GLP1R: variants seen among roughly 807,000 people sequenced by gnomAD.
GLP1R encodes glucagon-like peptide 1 receptor.
Under a neutral mutation model 68.4 loss-of-function variants are expected in GLP1R, and 32 were observed. That is an observed-to-expected ratio of 0.47 (90% CI 0.35 to 0.63). The LOEUF (loss-of-function observed/expected upper bound fraction) is 0.63. GLP1R is among the 20% of genes least tolerant of loss of function. The pLI, the probability that GLP1R is intolerant of heterozygous loss-of-function variation, is 0.00. For missense variants in GLP1R, 502 were observed against 594.9 expected (o/e 0.84, Z 1.62); for synonymous variants, 263 against 244.4 (o/e 1.08, Z -0.71).
chr6:39,062,203 G>A, intron 3 of GLP1R, among the ~76,000 whole-genome samples: 1 of 152,198 alleles, frequency 6.6e-6, no homozygotes, highest in East Asian at 1.9e-4. Context: ...GCAGGGTCTG[G>A]CTTAATGAAA....
chr6:39,086,007 C>T lies in GLP1R; in HGVS notation c.1326C>T (p.Ser442=). The change falls in exon 13 of 13, where the codon AGC becomes AGT. Residue 442 remains serine (S), a synonymous_variant. Coordinates refer to ENST00000373256, the MANE Select transcript of GLP1R (RefSeq NM_002062.5). The surrounding 1 kb of genome is among the most constrained non-coding windows in gnomAD (Gnocchi z 4.5). ...AGCCCCTCAAGTGTCCCACCAGCAG[C>T]CTGAGCAGTGGAGCCACGGCGGGCA... ...SMKPLKCPTS[S]LSSGATAGSS... is the part of the protein sequence containing the mutation. 1 of 1,614,068 alleles carries T rather than the reference C, an allele frequency of 6.2e-7. No homozygotes were observed. The highest frequency in any genetic ancestry group is 8.5e-7 in the Non-Finnish European group (1 of 1,179,974).
chr6:39,079,697 T>C lies in GLP1R; in HGVS notation c.1177T>C (p.Phe393Leu). 1.2e-6 allele frequency: 2 copies of C among 1,612,294 alleles called. No homozygotes were observed. Among genetic ancestry groups the C allele is most frequent in the East Asian group, 2.2e-5 (1 of 44,788 alleles). The stretch of plus-strand genomic sequence containing the variant: ...GTTTACAGAGCTCTCCTTCACCTCC[T>C]TCCAGGTGACTTCATGCTTGGGGAC... ...KLFTELSFTS[F>L]QGLMVAILYC... Residue 393 changes from phenylalanine to leucine, a missense_variant, in exon 11 of 13, where the codon TTC becomes CTC. By Grantham distance (22) the Phe-to-Leu change is conservative. Coordinates refer to ENST00000373256, the MANE Select transcript of GLP1R (RefSeq NM_002062.5). The surrounding 1 kb of genome is among the most constrained non-coding windows in gnomAD (Gnocchi z 4.5).
intron 5 of GLP1R, among the ~76,000 whole-genome samples, chr6:39,066,510 A>G (rs1330645624): frequency 6.6e-6 from 1 of 152,230 alleles, no homozygotes; most frequent in Non-Finnish European, 1.5e-5. Context: ...ACGGTGTAAA[A>G]GTGTGCGTAT....
At chr6:39,074,634 C>T (rs1185353445) in intron 7 of GLP1R, among the ~76,000 whole-genome samples, 2 of 152,094 alleles carry the variant, frequency 1.3e-5, no homozygotes, top group South Asian at 2.1e-4. Context: ...CATGCGCCCA[C>T]CTCACGCTGC....
chr6:39,054,688 G>A (rs1768169615), intron 1 of GLP1R, among the ~76,000 whole-genome samples: 1 of 152,158 alleles, frequency 6.6e-6, no homozygotes, highest in African/African-American at 2.4e-5. Context: ...TTCTGCCCCA[G>A]TTCCCAGCAG....
At chr6:39,072,381 A>G (rs533330133) in intron 5 of GLP1R, among the ~76,000 whole-genome samples, 43 of 152,356 alleles carry the variant, frequency 2.8e-4, no homozygotes, top group African/African-American at 1.0e-3. Flanking sequence ...CATTAGGTTA[A>G]GAAATGCCCC....
intron 1 of GLP1R, among the ~76,000 whole-genome samples, chr6:39,051,676 C>G (rs1463068095): frequency 6.6e-6 from 1 of 152,006 alleles, no homozygotes; most frequent in South Asian, 2.1e-4. Context: ...GACAGAGATA[C>G]AGACAGGTAG....
chr6:39,057,451 G>C (rs1232532311), intron 2 of GLP1R, 21 bp from the exon 3 acceptor site: 1 of 1,516,744 alleles, frequency 6.6e-7, no homozygotes, highest in East Asian at 2.3e-5. Context: ...GGGACTCAGA[G>C]ACTGTTCTTT....
In GLP1R at chr6:39,078,310, C is replaced by T; in HGVS notation, c.824-12C>T. The T allele has an allele frequency of 6.2e-7, 1 of 1,606,064 alleles. No homozygotes were observed. Among genetic ancestry groups the T allele is most frequent in the East Asian group, 2.2e-5 (1 of 44,842 alleles). ...CAGCCCCTCTCCCCTTCTGTCTTTCCCTCTCTCTTAGGTGTTCCCCTGCTG... is the reference window on the plus strand; with the variant it reads ...CAGCCCCTCTCCCCTTCTGTCTTTCTCTCTCTCTTAGGTGTTCCCCTGCTG... On this transcript the variant is annotated splice_polypyrimidine_tract_variant and intron_variant, in intron 7 of 12. Coordinates refer to ENST00000373256, the MANE Select transcript of GLP1R (RefSeq NM_002062.5).
At chr6:39,069,515 C>A (rs913619048) in intron 5 of GLP1R, among the ~76,000 whole-genome samples, 3 of 151,942 alleles carry the variant, frequency 2.0e-5, no homozygotes, top group Admixed American at 1.3e-4. Context: ...CGCCTGTAGT[C>A]CCAGCTACTC....
At chr6:39,050,470 AC>A (rs1187649982) in intron 1 of GLP1R, among the ~76,000 whole-genome samples, 1 of 152,094 alleles carries the variant, frequency 6.6e-6, no homozygotes, top group African/African-American at 2.4e-5. Flanking sequence ...TCCTGAACCC[AC>A]ACTTTCCTCT....
chr6:39,077,909 G>C (rs931582605), intron 7 of GLP1R, among the ~76,000 whole-genome samples: 1 of 152,218 alleles, frequency 6.6e-6, no homozygotes, highest in African/African-American at 2.4e-5. Context: ...GACTGGCAAC[G>C]TGGGCTGAAG....
chr6:39,051,081 C>T (rs1768076038), intron 1 of GLP1R, among the ~76,000 whole-genome samples: 1 of 152,160 alleles, frequency 6.6e-6, no homozygotes, highest in Admixed American at 6.5e-5. Context: ...TGGTCCTTAC[C>T]TCTCCAATAC....
rs867126777 is a variant in GLP1R, at chr6:39,062,287, C to T, written c.284-3424C>T. ...GACAAGCCTTGAGCCAAATCCCTGG[C>T]TGTGATTTACCAGCTCCTCCCAAGT... On this transcript the variant is annotated intron_variant, in intron 3 of 12. Transcript: ENST00000373256. Among the ~76,000 whole-genome samples, 9 of 152,326 alleles carry T rather than the reference C, an allele frequency of 5.9e-5. No individual in the cohort carries two copies. The South Asian group carries it at 1.5e-3, about 25-fold the overall frequency.
At chr6:39,063,638 G>T (rs79483612) in intron 3 of GLP1R, among the ~76,000 whole-genome samples, 7,217 of 152,166 alleles carry the variant, frequency 0.047, 241 homozygotes, top group East Asian at 0.11. Context: ...TTCAGGGTTT[G>T]TTTGGGAAAG....
At position 39,056,441 on chromosome 6, in the gene GLP1R, A is replaced by G; in HGVS notation, c.123A>G (p.Glu41=). The G allele has an allele frequency of 6.2e-7, 1 of 1,606,770 alleles. No homozygotes were observed. Among genetic ancestry groups the G allele is most frequent in the Non-Finnish European group, 8.5e-7 (1 of 1,173,308 alleles). ...GGGAGACGGTGCAGAAATGGCGAGA[A>G]TACCGACGCCAGTGCCAGCGCTCCC... is the stretch of plus-strand genomic sequence containing the variant. The part of the protein sequence containing the change: ...SLWETVQKWR[E]YRRQCQRSLT... Residue 41 remains glutamate, a synonymous_variant, in exon 2 of 13, where the codon GAA becomes GAG. Transcript: ENST00000373256.
At position 39,073,055 on chromosome 6, in the gene GLP1R, G is replaced by A. The variant is rs201697395; in HGVS notation, c.663+40G>A. The A allele has an allele frequency of 2.1e-4, 329 of 1,580,364 alleles. 4 individuals are homozygous for A. In the South Asian group the frequency reaches 3.2e-3, roughly 15 times the overall value. ...CAGGACCGCCTCAGGAGGGATGGGC[G>A]GTTGGAGGAGGCCTGCCTCTGCCAC... is the stretch of plus-strand genomic sequence containing the variant. On this transcript the variant is annotated intron_variant, in intron 6 of 12. Transcript: ENST00000373256.
Position 39,078,419 on chromosome 6 carries a change from G to T in GLP1R, c.884+37G>T. ...GCTCCAAGGGGGCGGGTGTGCCCAG[G>T]TCCCCATCCTCAAGGTCCATGGGAT... On this transcript the variant is annotated intron_variant, in intron 8 of 12. Transcript: ENST00000373256. 2.1e-6 allele frequency: 3 copies of T among 1,429,478 alleles called. No homozygotes were observed. The South Asian group carries it at 3.4e-5, about 16-fold the overall frequency. The allele number at this position is 1,429,478 out of a possible 1,614,324, so 88.5% of individuals were successfully genotyped here.
chr6:39,085,971 C>T lies in GLP1R; in HGVS notation c.1290C>T (p.Asp430=), dbSNP rs771765004. Residue 430 remains aspartate (D), a synonymous_variant, in exon 13 of 13, where the codon GAC becomes GAT. Coordinates refer to ENST00000373256, the MANE Select transcript of GLP1R (RefSeq NM_002062.5). Reference sequence around the variant, plus strand: ...TTGAGCACTTGCACATCCAGAGGGACAGCAGCATGAAGCCCCTCAAGTGTC... The same window carrying T: ...TTGAGCACTTGCACATCCAGAGGGATAGCAGCATGAAGCCCCTCAAGTGTC... ...WRLEHLHIQR[D]SSMKPLKCPT... is the part of the protein sequence containing the mutation. 1 of 1,613,982 alleles carries T rather than the reference C, an allele frequency of 6.2e-7. No individual in the cohort carries two copies. Among genetic ancestry groups the T allele is most frequent in the South Asian group, 1.1e-5 (1 of 91,072 alleles).
Sources: gnomAD v4.1 joint callset for allele counts (sites outside exome capture counted in the v4.1 genomes callset) on GRCh38, gnomAD v4.1.1 for gene constraint, Gnocchi (gnomAD v3.1) non-coding constraint, MANE v1.5 for transcripts, NCBI Gene and HGNC (gene_info 2026-07-23, HGNC 2026-07-21) for gene names.